The following MEF2C variants were observed in gnomAD, a reference collection of about 807,000 sequenced individuals.
MEF2C encodes the protein myocyte enhancer factor 2C.
In MEF2C, 6 loss-of-function variants were observed where a neutral mutation model predicts 50.5. The observed-to-expected ratio is 0.12, with a 90% CI of 0.07 to 0.23. MEF2C has a LOEUF of 0.23. Among genes scored for constraint, MEF2C ranks in the 10% least tolerant of loss-of-function variants. The pLI, the probability that MEF2C is intolerant of heterozygous loss-of-function variation, is 1.00. For synonymous variants in MEF2C, 183 were observed against 228.0 expected (o/e 0.80, Z 1.78); for missense variants, 276 against 605.0 (o/e 0.46, Z 5.70).
chr5:88,901,085 G>A (rs907802956), intron 1 of MEF2C, among the ~76,000 whole-genome samples: 3 of 152,008 alleles, frequency 2.0e-5, no homozygotes, highest in Non-Finnish European at 4.4e-5. Context: ...GATATGGACA[G>A]CAAGGGAAAA....
intron 1 of MEF2C, among the ~76,000 whole-genome samples, chr5:88,828,747 T>A (rs1430620006): frequency 6.6e-6 from 1 of 152,044 alleles, no homozygotes; most frequent in African/African-American, 2.4e-5. Context: ...CAATTATATT[T>A]TGGTTAAAAG....
intron 1 of MEF2C, among the ~76,000 whole-genome samples, chr5:88,903,718 C>CTTTTT: frequency 6.6e-6 from 1 of 151,506 alleles, no homozygotes; most frequent in East Asian, 1.9e-4. Context: ...TGTTTTAAAC[C>CTTTTT]TAAAAAAAAA....
chr5:88,729,484 A>G, intron 8 of MEF2C, 137 bp from the exon 9 acceptor site: 1 of 809,974 alleles, frequency 1.2e-6, no homozygotes, highest in Non-Finnish European at 1.9e-6. Flanking sequence ...ATGTGTCTCT[A>G]TGAACTCTGC....
At chr5:88,889,536 C>T (rs72773828) in intron 1 of MEF2C, 6,446 of 153,658 alleles carry the variant, frequency 0.042, 200 homozygotes, top group Non-Finnish European at 0.06. Context: ...TCTGGGCCCT[C>T]CTGGGGACCT....
intron 3 of MEF2C, among the ~76,000 whole-genome samples, chr5:88,770,405 T>C (rs190759078): frequency 1.3e-5 from 2 of 152,338 alleles, no homozygotes; most frequent in East Asian, 3.9e-4. Context: ...TTATTCAATT[T>C]GAGTCTATGC....
intron 1 of MEF2C, among the ~76,000 whole-genome samples, chr5:88,866,404 G>A (rs1292192688): frequency 1.3e-5 from 2 of 152,168 alleles, no homozygotes; most frequent in Non-Finnish European, 2.9e-5. Context: ...TCCAAAGCTT[G>A]TATATCTGGT....
At chr5:88,821,448 A>C (rs1808322480) in intron 2 of MEF2C, among the ~76,000 whole-genome samples, 1 of 151,836 alleles carries the variant, frequency 6.6e-6, no homozygotes, top group Admixed American at 6.6e-5. Context: ...TTTTAAAATA[A>C]GAGATTGCAT....
chr5:88,797,454 C>CT (rs1169605093), intron 3 of MEF2C, among the ~76,000 whole-genome samples: 676 of 25,154 alleles, frequency 0.027, 175 homozygotes, highest in East Asian at 0.065. Flanking sequence ...GCAACCCTTG[C>CT]CTTTTTTTTT....
intron 3 of MEF2C, among the ~76,000 whole-genome samples, chr5:88,780,512 T>A (rs2152863264): frequency 6.6e-6 from 1 of 152,298 alleles, no homozygotes; most frequent in Non-Finnish European, 1.5e-5. Flanking sequence ...GTGATTAGAA[T>A]ATTTAAAATA....
At chr5:88,891,953 T>A (rs138771540) in intron 1 of MEF2C, among the ~76,000 whole-genome samples, 1 of 152,306 alleles carries the variant, frequency 6.6e-6, no homozygotes, top group Non-Finnish European at 1.5e-5. Flanking sequence ...TAACACTTAG[T>A]TAAGGATCCC....
At chr5:88,848,189 A>T (rs992421816) in intron 1 of MEF2C, among the ~76,000 whole-genome samples, 1 of 152,168 alleles carries the variant, frequency 6.6e-6, no homozygotes, top group Admixed American at 6.5e-5. Context: ...AAACTCCTCA[A>T]AGGTAAAGAG....
chr5:88,735,670 A>G, intron 6 of MEF2C: 3 of 985,432 alleles, frequency 3.0e-6, no homozygotes, highest in Non-Finnish European at 1.2e-6. Flanking sequence ...GTGTCAATAC[A>G]TAGAACTTGA....
At chr5:88,809,673 T>C (rs1801984796) in intron 2 of MEF2C, among the ~76,000 whole-genome samples, 1 of 152,196 alleles carries the variant, frequency 6.6e-6, no homozygotes, top group Non-Finnish European at 1.5e-5. Flanking sequence ...AGACTAACTT[T>C]TTCTCTGGAC....
At chr5:88,791,561 C>A (rs1793761466) in intron 3 of MEF2C, among the ~76,000 whole-genome samples, 1 of 152,048 alleles carries the variant, frequency 6.6e-6, no homozygotes, top group Admixed American at 6.6e-5. Flanking sequence ...ATTTGTTCAA[C>A]AATGATTATT....
rs999942823 is a variant in MEF2C at position 88,733,835 on chromosome 5, G to A, written c.638-1934C>T. ...CCCCCAAAACGTGTGTTAAGTGACA[G>A]GACTCACTTAAGAAATGTTGGTTGA... is the stretch of plus-strand genomic sequence containing the variant. On this transcript the variant is annotated intron_variant, in intron 6 of 10. Transcript: ENST00000504921. The A allele has an allele frequency of 2.5e-5, 25 of 985,286 alleles. 1 individual carries two copies. Among genetic ancestry groups the A allele is most frequent in the Middle Eastern group, 5.2e-4 (1 of 1,914 alleles). The allele number at this position is 985,286 out of a possible 1,614,324, so 61.0% of individuals were successfully genotyped here.
intron 3 of MEF2C, chr5:88,766,717 G>C (rs894768464): frequency 1.0e-6 from 1 of 985,290 alleles, no homozygotes; most frequent in South Asian, 4.7e-5. Context: ...AAAAATCCAA[G>C]TAATCACACT....
rs1169605093 is a variant in MEF2C, at chr5:88,797,454, C to CTT, written c.258+7143_258+7144insAA. 1.6e-3 allele frequency among the ~76,000 whole-genome samples: 40 copies of CTT among 25,212 alleles called. 5 individuals carry two copies. Among genetic ancestry groups the CTT allele is most frequent in the Non-Finnish European group, 2.3e-3 (25 of 10,730 alleles). 16.5% of individuals were successfully genotyped at this position (25,212 alleles called of 152,430 possible). On this transcript the variant is annotated intron_variant, in intron 3 of 10. Transcript: ENST00000504921. The stretch of plus-strand genomic sequence containing the variant: ...TCACAGACTAGGATTGCAACCCTTG[C>CTT]CTTTTTTTTTTTTTTTTTTTTTTTT...
At chr5:88,770,072 C>A in intron 3 of MEF2C, 1 of 877,292 alleles carries the variant, frequency 1.1e-6, no homozygotes, top group East Asian at 1.2e-4. Context: ...AAAGACAAGA[C>A]AGAACTATAA....
At chr5:88,827,979 C>T (rs979336779) in intron 1 of MEF2C, among the ~76,000 whole-genome samples, 2 of 151,062 alleles carry the variant, frequency 1.3e-5, no homozygotes, top group Non-Finnish European at 3.0e-5. Context: ...TCTCGAGGTT[C>T]TTTAAAAAAA....
Sources: allele counts gnomAD v4.1 joint callset (sites outside exome capture counted in the v4.1 genomes callset), GRCh38; gene constraint gnomAD v4.1.1; transcripts MANE v1.5; gene names NCBI Gene and HGNC (gene_info 2026-07-23, HGNC 2026-07-21).